The following SMYD3 variants were observed in gnomAD, a reference collection of about 807,000 sequenced individuals.
The protein encoded by SMYD3 is histone-lysine N-methyltransferase SMYD3.
A neutral mutation model predicts 57.7 loss-of-function variants in SMYD3; 36 were observed. The observed-to-expected ratio is 0.62, with a 90% CI of 0.48 to 0.82. The LOEUF is 0.82. Ranked by LOEUF, SMYD3 falls within the 40% of genes least tolerant of loss-of-function variation. The pLI, the probability that SMYD3 is intolerant of heterozygous loss-of-function variation, is 0.00. For missense variants in SMYD3, 515 were observed against 538.8 expected (o/e 0.96, Z 0.44); for synonymous variants, 211 against 195.0 (o/e 1.08, Z -0.68).
chr1:246,263,409 A>G (rs934172900), intron 5 of SMYD3, among the ~76,000 whole-genome samples: 3 of 152,168 alleles, frequency 2.0e-5, no homozygotes, highest in African/African-American at 4.8e-5. Flanking sequence ...ATTGAAGTAG[A>G]AAAGTTAGGG....
intron 5 of SMYD3, among the ~76,000 whole-genome samples, chr1:246,135,717 C>A (rs201103687): frequency 1.3e-5 from 2 of 151,880 alleles, no homozygotes; most frequent in Admixed American, 6.6e-5. Context: ...TATATATGAA[C>A]AGAGTAGAAA....
At chr1:246,366,930 C>CAAAAAAAAAAAAAAAAAAAAAAAAA (rs1269333583) in intron 1 of SMYD3, among the ~76,000 whole-genome samples, 1 of 58,618 alleles carries the variant, frequency 1.7e-5, no homozygotes. Context: ...GACTCCATCT[C>CAAAAAAAAAAAAAAAAAAAAAAAAA]AAAAAAAAAA....
chr1:245,812,961 TGAG>T (rs2048563656), intron 10 of SMYD3, among the ~76,000 whole-genome samples: 1 of 142,874 alleles, frequency 7.0e-6, no homozygotes, highest in Middle Eastern at 3.6e-3. Flanking sequence ...GGTGAGGAGG[TGAG>T]GAGGAGAGGA....
At chr1:245,815,178 T>C (rs986673326) in intron 10 of SMYD3, among the ~76,000 whole-genome samples, 2 of 152,234 alleles carry the variant, frequency 1.3e-5, no homozygotes, top group African/African-American at 2.4e-5. Flanking sequence ...GGCCCCAGCA[T>C]TGTTTCTCAC....
At chr1:246,482,172 AT>A (rs2068119894) in intron 1 of SMYD3, among the ~76,000 whole-genome samples, 1 of 152,086 alleles carries the variant, frequency 6.6e-6, no homozygotes. Context: ...GCAAAAAAAA[AT>A]TCCGTAACTT....
In SMYD3 at chr1:246,487,340, G is replaced by A. The variant is rs534055673; in HGVS notation, c.164+19714C>T. Among the ~76,000 whole-genome samples the A allele has an allele frequency of 1.4e-4, 22 of 151,962 alleles. No homozygotes were observed. In the East Asian group the frequency reaches 3.3e-3, roughly 23 times the overall value. On this transcript the variant is annotated intron_variant, in intron 1 of 11. Coordinates refer to ENST00000490107, the MANE Select transcript of SMYD3 (RefSeq NM_001167740.2). ...TGCGCACCTGTAATCCCAGCTACTC[G>A]TCCCAGCTACTCAGGAGGCTAAGGC...
rs553163087 is a variant in SMYD3, at chr1:246,279,275, C to G, written c.531+47926G>C. Among the ~76,000 whole-genome samples, 8 of 152,292 alleles carry G rather than the reference C, an allele frequency of 5.3e-5. No homozygotes were observed. In the South Asian group the frequency reaches 1.4e-3, roughly 28 times the overall value. On this transcript the variant is annotated intron_variant, in intron 5 of 11. Transcript: ENST00000490107. ...GTGGCTCACACCTGTAATCCCAGCA[C>G]TCTGGGAGGCTGAGGCGGGTGGATC...
chr1:246,237,594 A>C (rs1382321734), intron 5 of SMYD3, among the ~76,000 whole-genome samples: 4 of 152,078 alleles, frequency 2.6e-5, no homozygotes, highest in African/African-American at 9.7e-5. Context: ...AAACAAACTC[A>C]TTTTTCAAAA....
chr1:246,391,073 C>T (rs1008979999), intron 1 of SMYD3, among the ~76,000 whole-genome samples: 2 of 151,940 alleles, frequency 1.3e-5, no homozygotes, highest in African/African-American at 4.8e-5. Context: ...AAGGAAGAGA[C>T]CATCAGGCTG....
chr1:246,006,235 T>C (rs2059165068), intron 5 of SMYD3, among the ~76,000 whole-genome samples: 1 of 149,478 alleles, frequency 6.7e-6, no homozygotes, highest in Non-Finnish European at 1.5e-5. Flanking sequence ...ATCTACTTTG[T>C]AGGAAGAGCC....
At chr1:246,201,195 C>T (rs1018334978) in intron 5 of SMYD3, among the ~76,000 whole-genome samples, 2 of 152,202 alleles carry the variant, frequency 1.3e-5, no homozygotes, top group African/African-American at 4.8e-5. Flanking sequence ...CAAGATTCCC[C>T]TCTAAGTAAG....
In SMYD3 at chr1:246,021,569, G is replaced by A. The variant is rs916995782; in HGVS notation, c.532-91632C>T. On this transcript the variant is annotated intron_variant, in intron 5 of 11. Coordinates refer to ENST00000490107, the MANE Select transcript of SMYD3 (RefSeq NM_001167740.2). ...GTCTAGCATAAAGATTGGTCATGCA[G>A]ATTTGTGGAAAGAAAGAGGTCCAGG... Among the ~76,000 whole-genome samples, 4 of 152,174 alleles carry A rather than the reference G, an allele frequency of 2.6e-5. No individual in the cohort carries two copies. In the South Asian group the frequency reaches 6.2e-4, roughly 24 times the overall value.
At chr1:245,836,093 G>A (rs1456086849) in intron 10 of SMYD3, among the ~76,000 whole-genome samples, 1 of 152,142 alleles carries the variant, frequency 6.6e-6, no homozygotes, top group Non-Finnish European at 1.5e-5. Context: ...ACGTCTCCAA[G>A]ATCGAAAAAT....
At chr1:246,281,220 T>G (rs1035300104) in intron 5 of SMYD3, among the ~76,000 whole-genome samples, 2 of 152,232 alleles carry the variant, frequency 1.3e-5, no homozygotes, top group African/African-American at 4.8e-5. Flanking sequence ...ATTCAGCCCG[T>G]GGTAGAGCCT....
rs147500750 is a variant in SMYD3, at chr1:245,946,541, G to T, written c.532-16604C>A. Among the ~76,000 whole-genome samples the T allele has an allele frequency of 1.1e-3, 163 of 152,258 alleles. No individual in the cohort carries two copies. In the Middle Eastern group the frequency reaches 0.031, roughly 29 times the overall value. On this transcript the variant is annotated intron_variant, in intron 5 of 11. Transcript: ENST00000490107. ...GTATCTTCATGAAAGAAAGGTAAGA[G>T]AACTCAACAGACGCTTCTGAGGCTA...
intron 5 of SMYD3, among the ~76,000 whole-genome samples, chr1:245,939,429 G>T (rs969576585): frequency 3.9e-5 from 6 of 152,020 alleles, no homozygotes; most frequent in South Asian, 2.1e-4. Context: ...ATCGAGACCA[G>T]CCTGGCCAAT....
chr1:245,789,388 T>C (rs1016393353), intron 10 of SMYD3, among the ~76,000 whole-genome samples: 11 of 152,160 alleles, frequency 7.2e-5, no homozygotes, highest in Non-Finnish European at 1.5e-4. Flanking sequence ...AGACTCAGGA[T>C]TTTTAATAGT....
intron 5 of SMYD3, among the ~76,000 whole-genome samples, chr1:246,239,682 G>A (rs1396631521): frequency 6.6e-6 from 1 of 152,152 alleles, no homozygotes; most frequent in Non-Finnish European, 1.5e-5. Flanking sequence ...TTCCACAATG[G>A]TTGAACTAGT....
At chr1:246,339,627 C>A (rs1041869595) in intron 2 of SMYD3, among the ~76,000 whole-genome samples, 2 of 152,116 alleles carry the variant, frequency 1.3e-5, no homozygotes, top group East Asian at 3.9e-4. Context: ...TCTGACACTA[C>A]CCATGAGACA....
Sources: allele counts gnomAD v4.1 joint callset (sites outside exome capture counted in the v4.1 genomes callset), GRCh38; gene constraint gnomAD v4.1.1; transcripts MANE v1.5; gene names NCBI Gene and HGNC (gene_info 2026-07-23, HGNC 2026-07-21).